The following CCDC121 variants were observed in gnomAD, a reference collection of about 807,000 sequenced individuals.
The protein encoded by CCDC121 is coiled-coil domain-containing protein 121.
For synonymous variants in CCDC121, 108 were observed against 120.0 expected (o/e 0.90, Z 0.65); for missense variants, 238 against 304.1 (o/e 0.78, Z 1.62).
Position 27,627,824 on chromosome 2 carries a change from C to A in CCDC121, c.-25G>T, listed in dbSNP as rs746236678. ...TTTCCGCCACTATCTTTTCTTTAAG[C>A]CTTGTCTCTACCTTTGTTAGCTTCT... On this transcript the variant is annotated 5_prime_UTR_variant, in exon 2 of 2. Coordinates refer to ENST00000324364, the MANE Select transcript of CCDC121 (RefSeq NM_024584.5). 2.5e-6 allele frequency: 4 copies of A among 1,614,042 alleles called. No individual in the cohort carries two copies. The highest frequency in any genetic ancestry group is 3.4e-6 in the Non-Finnish European group (4 of 1,180,008).
chr2:27,627,020 A>T lies in CCDC121; in HGVS notation c.780T>A (p.Val260=), dbSNP rs748516582. The change falls in exon 2 of 2, where the codon GTT becomes GTA. Residue 260 remains valine (V), a synonymous_variant. Transcript: ENST00000324364. ...SHNQCLNRQD[V]PKTTPSLPQG... ...GGGGAAGACTGGGTGTGGTCTTTGG[A>T]ACATCCTGTCTATTTAGGCACTGAT... 3.1e-6 allele frequency: 5 copies of T among 1,613,998 alleles called. No individual in the cohort carries two copies. The highest frequency in any genetic ancestry group is 3.4e-6 in the Non-Finnish European group (4 of 1,179,948).
intron 1 of CCDC121, 194 bp downstream of exon 1, chr2:27,628,756 G>A (rs1353392955): frequency 3.2e-6 from 5 of 1,544,894 alleles, no homozygotes; most frequent in Non-Finnish European, 4.4e-6. Context: ...CTGCCCTCGG[G>A]ACCCCATCTC....
Position 27,628,963 on chromosome 2 carries a change from A to T in CCDC121, c.-132T>A. 1.3e-6 allele frequency: 2 copies of T among 1,572,672 alleles called. No individual in the cohort carries two copies. Among genetic ancestry groups the T allele is most frequent in the Admixed American group, 1.9e-5 (1 of 53,946 alleles). On this transcript the variant is annotated 5_prime_UTR_variant, in exon 1 of 2. Transcript: ENST00000324364. ...CGCGCCCCTCACCCGCTCCTTTCTG[A>T]CGCTGTGGTGGTTTTCGTTCGCAGC...
chr2:27,628,956 C>G lies in CCDC121; in HGVS notation c.-125G>C. 1.3e-6 allele frequency: 2 copies of G among 1,564,868 alleles called. No individual in the cohort carries two copies. Among genetic ancestry groups the G allele is most frequent in the Admixed American group, 3.8e-5 (2 of 52,962 alleles). ...CAACCGCCGCGCCCCTCACCCGCTC[C>G]TTTCTGACGCTGTGGTGGTTTTCGT... On this transcript the variant is annotated 5_prime_UTR_variant, in exon 1 of 2. Transcript: ENST00000324364.
rs1304985341 is a variant in CCDC121 at position 27,628,990 on chromosome 2, C to T, written c.-159G>A. The stretch of plus-strand genomic sequence containing the variant: ...GCTGTGGTGGTTTTCGTTCGCAGCC[C>T]AGAACATTGCGGAAGTTTCTCTACC... On this transcript the variant is annotated 5_prime_UTR_variant, in exon 1 of 2. The change creates a premature stop within an existing upstream ORF in the 5' untranslated region. Transcript: ENST00000324364. 1 of 1,606,092 alleles carries T rather than the reference C, an allele frequency of 6.2e-7. No individual in the cohort carries two copies. The highest frequency in any genetic ancestry group is 8.5e-7 in the Non-Finnish European group (1 of 1,175,960).
rs560342551 is a variant in CCDC121, at chr2:27,628,125, T to A, written c.-118-208A>T. 2.7e-5 allele frequency: 17 copies of A among 620,334 alleles called. No individual in the cohort carries two copies. In the South Asian group the frequency reaches 3.1e-4, roughly 11 times the overall value. The allele number at this position is 620,334 out of a possible 1,614,324, so 38.4% of individuals were successfully genotyped here. On this transcript the variant is annotated intron_variant, in intron 1 of 1. Transcript: ENST00000324364. ...GCATTCACTACAACCCTGGGAGGTA[T>A]TACCTCAGTTTTAAAAAAGGAGAAA...
chr2:27,625,685 AAAC>A lies in CCDC121; in HGVS notation c.*1275_*1277del, dbSNP rs1387525299. 1 of 152,382 alleles carries A rather than the reference AAAC, an allele frequency of 6.6e-6. No homozygotes were observed. Among genetic ancestry groups the A allele is most frequent in the African/African-American group, 2.4e-5 (1 of 41,478 alleles). 9.4% of individuals were successfully genotyped at this position (152,382 alleles called of 1,614,324 possible). ...TTATTTAATAACATTGTTTAATAAA[AAAC>A]TACATATTTAACAGAAAAGTTGTTA... On this transcript the variant is annotated 3_prime_UTR_variant, in exon 2 of 2. Coordinates refer to ENST00000324364, the MANE Select transcript of CCDC121 (RefSeq NM_024584.5).
chr2:27,627,398 C>A lies in CCDC121; in HGVS notation c.402G>T (p.Glu134Asp), dbSNP rs769597631. 1.9e-6 allele frequency: 3 copies of A among 1,614,200 alleles called. No individual in the cohort carries two copies. Among genetic ancestry groups the A allele is most frequent in the Admixed American group, 3.3e-5 (2 of 60,030 alleles). The change falls in exon 2 of 2, where the codon GAG (glutamate) becomes GAT (aspartate). Residue 134 changes from glutamate (E) to aspartate (D), a missense_variant. Coordinates refer to ENST00000324364, the MANE Select transcript of CCDC121 (RefSeq NM_024584.5). Reference sequence around the variant, plus strand: ...GTACTTCCCGTGTCTTTGAAGCTGTCTCAGCTTGGACTTTCTTTGTCTCCT... The same window carrying A: ...GTACTTCCCGTGTCTTTGAAGCTGTATCAGCTTGGACTTTCTTTGTCTCCT... Reference protein sequence around the residue: ...LQEETKKVQAETASKTREVQA... With the variant: ...LQEETKKVQADTASKTREVQA...
chr2:27,628,381 A>G, intron 1 of CCDC121: 1 of 1,549,610 alleles, frequency 6.5e-7, no homozygotes, highest in Non-Finnish European at 8.7e-7. Flanking sequence ...GCTCCCCTCC[A>G]GTACCTACTT....
At position 27,627,324 on chromosome 2, in the gene CCDC121, T is replaced by G; in HGVS notation, c.476A>C (p.Glu159Ala). 1 of 1,614,026 alleles carries G rather than the reference T, an allele frequency of 6.2e-7. No individual in the cohort carries two copies. The highest frequency in any genetic ancestry group is 8.5e-7 in the Non-Finnish European group (1 of 1,179,886). ...CTTTCCCAGTAGCCTCCTGTCTGGC[T>G]CGCTCAGTTGTTTCTCCAGTAATCT... ...EKRLLEKQLSEPDRRLLGKRK... is the reference protein window; with the variant it reads ...EKRLLEKQLSAPDRRLLGKRK... Residue 159 changes from glutamate to alanine, a missense_variant, in exon 2 of 2, where the codon GAG becomes GCG. By Grantham distance (107) the Glu-to-Ala change is moderately radical. Coordinates refer to ENST00000324364, the MANE Select transcript of CCDC121 (RefSeq NM_024584.5).
Position 27,627,768 on chromosome 2 carries a change from G to A in CCDC121, c.32C>T (p.Ala11Val), listed in dbSNP as rs1368299471. 1 of 1,613,668 alleles carries A rather than the reference G, an allele frequency of 6.2e-7. No individual in the cohort carries two copies. Among genetic ancestry groups the A allele is most frequent in the African/African-American group, 1.3e-5 (1 of 74,794 alleles). The change falls in exon 2 of 2, where the codon GCT becomes GTT. Residue 11 changes from alanine (A) to valine (V), a missense_variant. Transcript: ENST00000324364. ...CAGTAGCTGTTTCCGCTGGGTTTGA[G>A]CTTGTTTTATATGCTTGTTCAGATC... The part of the protein sequence containing the change: MTDLNKHIKQ[A>V]QTQRKQLLEE...
Position 27,627,325 on chromosome 2 carries a change from CG to C in CCDC121, c.474del (p.Ser158ArgfsTer18). On this transcript the variant is annotated frameshift_variant, in exon 2 of 2. Coordinates refer to ENST00000324364, the MANE Select transcript of CCDC121 (RefSeq NM_024584.5). LOFTEE classifies it low-confidence loss of function (END_TRUNC). ...QEKRLLEKQL[S>X]EPDRRLLGKR... ...TTTCCCAGTAGCCTCCTGTCTGGCT[CG>C]CTCAGTTGTTTCTCCAGTAATCTTT... 6.2e-7 allele frequency: 1 copy of C among 1,613,950 alleles called. No homozygotes were observed. The highest frequency in any genetic ancestry group is 2.2e-5 in the East Asian group (1 of 44,886).
rs1402294565 is a variant in CCDC121 at position 27,626,280 on chromosome 2, A to C, written c.*683T>G. 2.6e-5 allele frequency: 4 copies of C among 152,372 alleles called. No homozygotes were observed. In the East Asian group the frequency reaches 7.5e-4, roughly 29 times the overall value. The allele number at this position is 152,372 out of a possible 1,614,324, so 9.4% of individuals were successfully genotyped here. On this transcript the variant is annotated 3_prime_UTR_variant, in exon 2 of 2. Coordinates refer to ENST00000324364, the MANE Select transcript of CCDC121 (RefSeq NM_024584.5). ...AGGCATTCAGTCACCTCAATGCTAC[A>C]GGTGTTTCTTCAAATAAAACATTTT...
chr2:27,627,618 T>C lies in CCDC121; in HGVS notation c.182A>G (p.Tyr61Cys), dbSNP rs1673329226. 1.2e-6 allele frequency: 2 copies of C among 1,614,146 alleles called. No individual in the cohort carries two copies. The highest frequency in any genetic ancestry group is 1.7e-6 in the Non-Finnish European group (2 of 1,180,026). ...TTCAATCTCTCCACTTTTTTGTAAA[T>C]AGCTGTTCCATACCTTCTCAGGTTG... ...TEQPEKVWNS[Y>C]LQKSGEIERR... Residue 61 changes from tyrosine to cysteine, a missense_variant, in exon 2 of 2, where the codon TAT becomes TGT. Tyr to Cys is a radical substitution (Grantham distance 194, BLOSUM62 -2). Coordinates refer to ENST00000324364, the MANE Select transcript of CCDC121 (RefSeq NM_024584.5).
In CCDC121 at chr2:27,626,112, A is replaced by T. The variant is rs1673273177; in HGVS notation, c.*851T>A. 6.6e-6 allele frequency: 1 copy of T among 152,316 alleles called. No individual in the cohort carries two copies. Among genetic ancestry groups the T allele is most frequent in the African/African-American group, 2.4e-5 (1 of 41,440 alleles). The allele number at this position is 152,316 out of a possible 1,614,324, so 9.4% of individuals were successfully genotyped here. A position where few individuals can be genotyped will look rare whatever the true frequency, so the allele number is the denominator to read the frequency against. ...GCACCTGTAAGAAAATTAATAAATG[A>T]CCTAAAACTAAAGCATTTAGGATAA... On this transcript the variant is annotated 3_prime_UTR_variant, in exon 2 of 2. Transcript: ENST00000324364.
chr2:27,627,887 T>C lies in CCDC121; in HGVS notation c.-88A>G, dbSNP rs1318629686. The C allele has an allele frequency of 6.2e-7, 1 of 1,613,958 alleles. No homozygotes were observed. The highest frequency in any genetic ancestry group is 1.1e-5 in the South Asian group (1 of 91,054). Reference sequence around the variant, plus strand: ...AATTATTTATTAGACTATGATACGGTGGAAGGAGCCTTCTGGGGCCCTCAG... The same window carrying C: ...AATTATTTATTAGACTATGATACGGCGGAAGGAGCCTTCTGGGGCCCTCAG... On this transcript the variant is annotated 5_prime_UTR_variant, in exon 2 of 2. Coordinates refer to ENST00000324364, the MANE Select transcript of CCDC121 (RefSeq NM_024584.5).
Position 27,628,972 on chromosome 2 carries a change from T to C in CCDC121, c.-141A>G, listed in dbSNP as rs562177255. ...CACCCGCTCCTTTCTGACGCTGTGG[T>C]GGTTTTCGTTCGCAGCCCAGAACAT... On this transcript the variant is annotated 5_prime_UTR_variant, in exon 1 of 2. Coordinates refer to ENST00000324364, the MANE Select transcript of CCDC121 (RefSeq NM_024584.5). 8.7e-4 allele frequency: 1,371 copies of C among 1,582,378 alleles called. No individual in the cohort carries two copies. Among genetic ancestry groups the C allele is most frequent in the Non-Finnish European group, 1.1e-3 (1,296 of 1,163,924 alleles).
chr2:27,628,207 G>C lies in CCDC121; in HGVS notation c.-118-290C>G, dbSNP rs761446254. 47 of 657,150 alleles carry C rather than the reference G, an allele frequency of 7.2e-5. 1 individual carries two copies. Among genetic ancestry groups the C allele is most frequent in the Non-Finnish European group, 1.2e-4 (45 of 390,670 alleles). 40.7% of individuals were successfully genotyped at this position (657,150 alleles called of 1,614,324 possible). A position where few individuals can be genotyped will look rare whatever the true frequency, so the allele number is the denominator to read the frequency against. ...TGACTCACACCACTAGCAAGTGGCA[G>C]AGCCTGGGTATTAAAGCCAGATCTT... On this transcript the variant is annotated intron_variant, in intron 1 of 1. Coordinates refer to ENST00000324364, the MANE Select transcript of CCDC121 (RefSeq NM_024584.5).
rs1316988500 is a variant in CCDC121, at chr2:27,625,833, C to T, written c.*1130G>A. On this transcript the variant is annotated 3_prime_UTR_variant, in exon 2 of 2. Coordinates refer to ENST00000324364, the MANE Select transcript of CCDC121 (RefSeq NM_024584.5). ...AAAATTATTTTGAAGTTTTTCATCA[C>T]TTAACAATTTCTGGGAAACAAAGTT... is the stretch of plus-strand genomic sequence containing the variant. 3.3e-5 allele frequency: 5 copies of T among 152,322 alleles called. No individual in the cohort carries two copies. The highest frequency in any genetic ancestry group is 6.5e-5 in the Admixed American group (1 of 15,278). 9.4% of individuals were successfully genotyped at this position (152,322 alleles called of 1,614,324 possible).
Sources: allele counts gnomAD v4.1 joint callset, GRCh38; gene constraint gnomAD v4.1.1; transcripts MANE v1.5; gene names NCBI Gene and HGNC (gene_info 2026-07-23, HGNC 2026-07-21).